The following PDE1A variants were observed in gnomAD, a reference collection of about 807,000 sequenced individuals.
The protein encoded by PDE1A is phosphodiesterase 1A.
In PDE1A, 35 loss-of-function variants were observed where a neutral mutation model predicts 61.7. The observed-to-expected ratio is 0.57, with a 90% CI of 0.43 to 0.75. The LOEUF is 0.75. Among genes scored for constraint, PDE1A ranks in the 30% least tolerant of loss-of-function variants. The pLI, the probability that PDE1A is intolerant of heterozygous loss-of-function variation, is 0.00. For synonymous variants in PDE1A, 232 were observed against 213.2 expected (o/e 1.09, Z -0.77); for missense variants, 597 against 630.6 (o/e 0.95, Z 0.57).
intron 1 of PDE1A, among the ~76,000 whole-genome samples, chr2:182,416,416 T>C (rs1702921047): frequency 6.6e-6 from 1 of 152,236 alleles, no homozygotes; most frequent in South Asian, 2.1e-4. Context: ...TACGCTCAGC[T>C]GTTTCAATAA....
chr2:182,670,049 T>C, the PDE1A span, among the ~76,000 whole-genome samples: 1 of 152,190 alleles, frequency 6.6e-6, no homozygotes, highest in African/African-American at 2.4e-5. Context: ...GCAAGCAGTT[T>C]TGGTTTTCCT....
rs566120977 is a variant in PDE1A at position 182,498,836 on chromosome 2, T to C, written c.101+23440A>G. On this transcript the variant is annotated intron_variant, in intron 2 of 14. Transcript: ENST00000410103. ...GCGGGCGCCTGTAGTCCCAGCTACT[T>C]GGGAGGCTGAGGCAGGAGAATGGCG... is the stretch of plus-strand genomic sequence containing the variant. 1.1e-3 allele frequency among the ~76,000 whole-genome samples: 162 copies of C among 151,940 alleles called. 1 individual carries two copies. Among genetic ancestry groups the C allele is most frequent in the African/African-American group, 3.5e-3 (146 of 41,508 alleles).
intron 13 of PDE1A, among the ~76,000 whole-genome samples, chr2:182,169,916 A>ACACGCG (rs1388296330): frequency 4.1e-5 from 5 of 121,090 alleles, no homozygotes; most frequent in African/African-American, 1.7e-4. Context: ...ACACACACAC[A>ACACGCG]CACACGCACA....
At position 182,154,705 on chromosome 2, in the gene PDE1A, C is replaced by T. The variant is rs550628515; in HGVS notation, c.1517-7553G>A. On this transcript the variant is annotated intron_variant, in intron 13 of 13. Transcript: ENST00000409365. ...TGATGCCTCCTCAGACATGTGGAGCCGTGAGTCCGTTAAACCTCTTTCTTT... is the reference window on the plus strand; with the variant it reads ...TGATGCCTCCTCAGACATGTGGAGCTGTGAGTCCGTTAAACCTCTTTCTTT... Among the ~76,000 whole-genome samples the T allele has an allele frequency of 2.6e-5, 4 of 152,202 alleles. No individual in the cohort carries two copies. In the East Asian group the frequency reaches 5.8e-4, roughly 22 times the overall value.
the PDE1A span, among the ~76,000 whole-genome samples, chr2:182,554,573 C>A: frequency 6.6e-6 from 1 of 152,164 alleles, no homozygotes; most frequent in Non-Finnish European, 1.5e-5. Context: ...TATTTCATTG[C>A]TTCTACTTGT....
At chr2:182,701,578 C>T in the PDE1A span, among the ~76,000 whole-genome samples, 40 of 151,784 alleles carry the variant, frequency 2.6e-4, no homozygotes, top group Admixed American at 1.6e-3. Context: ...GACGGGGTTT[C>T]GCCATGTTGG....
chr2:182,696,964 A>T, the PDE1A span, among the ~76,000 whole-genome samples: 4 of 152,150 alleles, frequency 2.6e-5, no homozygotes, highest in African/African-American at 9.7e-5. Flanking sequence ...CTAAGCATTG[A>T]TTTTTATCTC....
In PDE1A at chr2:182,310,330, A is replaced by G. The variant is rs193139235; in HGVS notation, c.54-45916T>C. Reference sequence around the variant, plus strand: ...CTTTAGAGGAGAACAAGATAGGCAAAGGAAATAACTATTCCTTCAGGGGGC... The same window carrying G: ...CTTTAGAGGAGAACAAGATAGGCAAGGGAAATAACTATTCCTTCAGGGGGC... On this transcript the variant is annotated intron_variant, in intron 1 of 13. Transcript: ENST00000351439. Among the ~76,000 whole-genome samples, 209 of 152,302 alleles carry G rather than the reference A, an allele frequency of 1.4e-3. 1 individual carries two copies. The highest frequency in any genetic ancestry group is 4.9e-3 in the African/African-American group (204 of 41,582).
intron 1 of PDE1A, among the ~76,000 whole-genome samples, chr2:182,384,458 A>AAATAATAAT (rs112896044): frequency 0.032 from 4,548 of 141,850 alleles, 106 homozygotes; most frequent in Admixed American, 0.061. Context: ...AATAAAGAGA[A>AAATAATAAT]AATAATAATA....
the PDE1A span, among the ~76,000 whole-genome samples, chr2:182,657,774 C>T: frequency 6.6e-6 from 1 of 151,892 alleles, no homozygotes; most frequent in East Asian, 1.9e-4. Flanking sequence ...TAAAATCAAC[C>T]ATGTGGGAAG....
chr2:182,243,209 A>T (rs182832921), intron 2 of PDE1A, among the ~76,000 whole-genome samples: 2 of 152,302 alleles, frequency 1.3e-5, no homozygotes, highest in East Asian at 3.9e-4. Context: ...AAATGAAGTG[A>T]TTAAAAATTG....
intron 2 of PDE1A, among the ~76,000 whole-genome samples, chr2:182,453,297 T>C (rs1275761922): frequency 6.6e-6 from 1 of 152,136 alleles, no homozygotes; most frequent in East Asian, 1.9e-4. Flanking sequence ...CAAAAAGCTT[T>C]TTGGGATACC....
Position 182,359,719 on chromosome 2 carries a change from G to A in PDE1A, c.53+66859C>T, listed in dbSNP as rs775867462. Reference sequence around the variant, plus strand: ...TATGTCACTGAGACTAAAGCTCCCAGCGGTCAAGAAAAGTAACAGGGAAAA... The same window carrying A: ...TATGTCACTGAGACTAAAGCTCCCAACGGTCAAGAAAAGTAACAGGGAAAA... On this transcript the variant is annotated intron_variant, in intron 1 of 13. Coordinates refer to ENST00000351439, the Ensembl canonical transcript of PDE1A. Among the ~76,000 whole-genome samples the A allele has an allele frequency of 4.3e-4, 65 of 152,156 alleles. No homozygotes were observed. In the Middle Eastern group the frequency reaches 0.01, roughly 24 times the overall value.
chr2:182,546,896 A>T, the PDE1A span, among the ~76,000 whole-genome samples: 20 of 152,228 alleles, frequency 1.3e-4, no homozygotes, highest in African/African-American at 4.1e-4. Context: ...CGCTTAAAGG[A>T]CAATAGAAGT....
At chr2:182,156,208 A>T (rs903431756) in intron 13 of PDE1A, among the ~76,000 whole-genome samples, 1 of 151,942 alleles carries the variant, frequency 6.6e-6, no homozygotes, top group Non-Finnish European at 1.5e-5. Context: ...TAACTTAGTA[A>T]GGAGGAATAA....
At chr2:182,259,941 A>G (rs916302119) in intron 2 of PDE1A, among the ~76,000 whole-genome samples, 1 of 152,212 alleles carries the variant, frequency 6.6e-6, no homozygotes, top group African/African-American at 2.4e-5. Flanking sequence ...GCCTCTAGAG[A>G]CAGTTCTGAA....
intron 1 of PDE1A, among the ~76,000 whole-genome samples, chr2:182,305,285 G>A (rs1206822510): frequency 3.3e-5 from 5 of 151,370 alleles, no homozygotes; most frequent in South Asian, 2.1e-4. Flanking sequence ...AACTTCCCCC[G>A]TTGTTAAGTA....
intron 1 of PDE1A, among the ~76,000 whole-genome samples, chr2:182,285,530 A>T (rs1458884053): frequency 6.6e-6 from 1 of 152,118 alleles, no homozygotes; most frequent in Non-Finnish European, 1.5e-5. Flanking sequence ...GGAGGGAAGG[A>T]AGGGAAGTTG....
At chr2:182,321,844 G>A (rs777884811) in intron 1 of PDE1A, among the ~76,000 whole-genome samples, 48 of 152,114 alleles carry the variant, frequency 3.2e-4, no homozygotes, top group Non-Finnish European at 4.6e-4. Flanking sequence ...AAGCTTCCAC[G>A]TAAGATTTTT....
Sources: gnomAD v4.1 joint callset for allele counts (sites outside exome capture counted in the v4.1 genomes callset) on GRCh38, gnomAD v4.1.1 for gene constraint, MANE v1.5 for transcripts, NCBI Gene and HGNC (gene_info 2026-07-23, HGNC 2026-07-21) for gene names.